Variants in MYO18B observed in about 807,000 individuals in gnomAD.
MYO18B encodes unconventional myosin-XVIIIb.
In MYO18B, 204 loss-of-function variants were observed where a neutral mutation model predicts 273.0. The ratio of observed to expected loss-of-function variants is 0.75; its 90% CI spans 0.67 to 0.84. The LOEUF is 0.84. MYO18B is among the 40% of genes least tolerant of loss of function. The pLI is 0.00. For missense variants in MYO18B, 3,212 were observed against 3,287.6 expected (o/e 0.98, Z 0.56); for synonymous variants, 1,330 against 1,305.7 (o/e 1.02, Z -0.40).
intron 1 of MYO18B, among the ~76,000 whole-genome samples, chr22:25,756,054 C>T (rs1208436835): frequency 1.3e-5 from 2 of 152,100 alleles, no homozygotes; most frequent in African/African-American, 2.4e-5. Flanking sequence ...CCTGCCACCA[C>T]GCCTAGCTAA....
intron 19 of MYO18B, 95 bp from the exon 20 acceptor site, chr22:25,847,335 C>A: frequency 8.6e-7 from 1 of 1,159,274 alleles, no homozygotes; most frequent in Non-Finnish European, 1.2e-6. Flanking sequence ...CCCAAAGATG[C>A]TCAGGTTGGG....
At chr22:25,885,858 G>A (rs1217556559) in intron 25 of MYO18B, among the ~76,000 whole-genome samples, 1 of 152,156 alleles carries the variant, frequency 6.6e-6, no homozygotes, top group Non-Finnish European at 1.5e-5. Context: ...GCCAGTGGGT[G>A]GTGTGTCACC....
the MYO18B span, among the ~76,000 whole-genome samples, chr22:26,057,032 G>C: frequency 6.6e-6 from 1 of 152,258 alleles, no homozygotes; most frequent in South Asian, 2.1e-4. Context: ...GCCCTGTAGA[G>C]ACACATTTCT....
intron 17 of MYO18B, among the ~76,000 whole-genome samples, chr22:25,839,244 T>C (rs2090011389): frequency 6.6e-6 from 1 of 151,214 alleles, no homozygotes; most frequent in Non-Finnish European, 1.5e-5. Context: ...ATGAGTGTGT[T>C]TGTATATATG....
At chr22:25,787,267 C>CGT (rs1228127356) in intron 11 of MYO18B, among the ~76,000 whole-genome samples, 821 of 56,352 alleles carry the variant, frequency 0.015, 8 homozygotes, top group African/African-American at 0.048. Flanking sequence ...TGCGTGCAGG[C>CGT]GCGCGCACAC....
At chr22:25,846,871 C>T (rs1429347456) in intron 19 of MYO18B, among the ~76,000 whole-genome samples, 8 of 152,024 alleles carry the variant, frequency 5.3e-5, no homozygotes, top group South Asian at 2.1e-4. Context: ...CACGAGGTCA[C>T]GAGTTCGAGA....
At chr22:25,746,304 C>A (rs917640158) in intron 1 of MYO18B, among the ~76,000 whole-genome samples, 9 of 152,128 alleles carry the variant, frequency 5.9e-5, no homozygotes, top group African/African-American at 1.9e-4. Flanking sequence ...TTTTTCAGTT[C>A]TTTCCCTGTT....
At position 25,902,756 on chromosome 22, in the gene MYO18B, G is replaced by T; in HGVS notation, c.4947+20G>T. 1 of 1,565,520 alleles carries T rather than the reference G, an allele frequency of 6.4e-7. No individual in the cohort carries two copies. The highest frequency in any genetic ancestry group is 1.2e-5 in the South Asian group (1 of 84,878). ...CTGAAGGTAAGGGATGGGGGACACA[G>T]AGCTATCTTGGCTCTTGGTGGCTAA... On this transcript the variant is annotated intron_variant, in intron 30 of 43. Transcript: ENST00000335473.
intron 42 of MYO18B, among the ~76,000 whole-genome samples, chr22:26,026,182 C>T (rs577973132): frequency 2.6e-5 from 4 of 152,266 alleles, no homozygotes; most frequent in South Asian, 2.1e-4. Flanking sequence ...CTAATTCATC[C>T]GTCCTAGCTG....
chr22:25,902,774 G>A, intron 30 of MYO18B, 38 bp downstream of exon 30: 1 of 1,554,080 alleles, frequency 6.4e-7, no homozygotes, highest in Middle Eastern at 1.7e-4. Context: ...TTGGCTCTTG[G>A]TGGCTAAATC....
chr22:25,798,178 G>T (rs903123339), intron 12 of MYO18B, 81 bp downstream of exon 12: 3 of 1,452,536 alleles, frequency 2.1e-6, no homozygotes, highest in Non-Finnish European at 2.7e-6. Context: ...CTCTCGGAGC[G>T]GTGGGAACAG....
chr22:25,899,902 G>A (rs1489842001), intron 29 of MYO18B: 1 of 152,144 alleles, frequency 6.6e-6, no homozygotes, highest in East Asian at 1.9e-4. Flanking sequence ...ACAAGAGGTT[G>A]GGACTCCATC....
intron 34 of MYO18B, among the ~76,000 whole-genome samples, chr22:25,933,283 C>T (rs981230129): frequency 2.6e-5 from 4 of 152,192 alleles, no homozygotes; most frequent in African/African-American, 9.7e-5. Context: ...GCTTGTCATC[C>T]TAGCACCAGT....
At chr22:25,789,045 TCTTTTTCTTCTCTTTCTCCTCCTCCTC>T (rs1258978524) in intron 11 of MYO18B, among the ~76,000 whole-genome samples, 1 of 151,850 alleles carries the variant, frequency 6.6e-6, no homozygotes, top group African/African-American at 2.4e-5. Context: ...CTTCCTTCTT[TCTTTTTCTTCTCTTTCTCCTCCTCCTC>T]CTCCTTCTTC....
rs750414085 is a variant in MYO18B at position 25,952,288 on chromosome 22, G to A, written c.5835G>A (p.Leu1945=). 1.9e-6 allele frequency: 3 copies of A among 1,609,352 alleles called. No homozygotes were observed. Among genetic ancestry groups the A allele is most frequent in the South Asian group, 2.2e-5 (2 of 89,910 alleles). Residue 1945 remains leucine, a splice_region_variant and synonymous_variant, in exon 38 of 44, where the codon CTG becomes CTA. Transcript: ENST00000335473. ...ATAGACTTCTCTCATACTTACAGCT[G>A]CAGGTGGCTCAGATGCGCATCGAGT... ...KKEKHKLQEQ[L]QVAQMRIEYL...
At chr22:25,976,141 C>T (rs2093086722) in intron 39 of MYO18B, among the ~76,000 whole-genome samples, 1 of 152,084 alleles carries the variant, frequency 6.6e-6, no homozygotes. Flanking sequence ...TGGGTAGAGG[C>T]CAGAGATGAT....
At chr22:25,961,203 C>T (rs1190833226) in intron 39 of MYO18B, among the ~76,000 whole-genome samples, 1 of 146,826 alleles carries the variant, frequency 6.8e-6, no homozygotes, top group African/African-American at 2.5e-5. Context: ...GCCTGGGTGA[C>T]AGAGCTAGCC....
chr22:25,980,263 A>G (rs2093135995), intron 39 of MYO18B, among the ~76,000 whole-genome samples: 1 of 152,214 alleles, frequency 6.6e-6, no homozygotes, highest in Non-Finnish European at 1.5e-5. Context: ...ACTCTTTATC[A>G]TCTACATTTT....
chr22:25,910,672 C>T (rs2092137988), intron 32 of MYO18B, among the ~76,000 whole-genome samples: 3 of 152,162 alleles, frequency 2.0e-5, no homozygotes, highest in Admixed American at 2.0e-4. Context: ...AGGAGAGAGG[C>T]ATCTCTTCTA....
Sources: gnomAD v4.1 joint callset for allele counts (sites outside exome capture counted in the v4.1 genomes callset) on GRCh38, gnomAD v4.1.1 for gene constraint, MANE v1.5 for transcripts, NCBI Gene and HGNC (gene_info 2026-07-23, HGNC 2026-07-21) for gene names.